GABRG1: variants seen among roughly 807,000 people sequenced by gnomAD.
GABRG1 encodes gamma-aminobutyric acid receptor subunit gamma-1.
A neutral mutation model predicts 49.8 loss-of-function variants in GABRG1; 49 were observed. The observed-to-expected ratio is 0.98, with a 90% confidence interval of 0.78 to 1.25. The LOEUF (loss-of-function observed/expected upper bound fraction) is 1.25, where lower values mean the gene tolerates loss of function less well. Ranked by LOEUF, GABRG1 falls within the 50% of genes most tolerant of loss-of-function variation. The pLI, the probability that GABRG1 is intolerant of heterozygous loss-of-function variation, is 0.00. For missense variants in GABRG1, 552 were observed against 552.3 expected, an observed-to-expected ratio of 1.00 and a Z score of 0.01; for synonymous variants, 232 against 185.1, an observed-to-expected ratio of 1.25 and a Z score of -2.06.
rs150521041 is a variant in GABRG1, at chr4:46,037,234, G to T, written c.*3754C>A. ...GAAAGTGCTGCATATATATTTGAAT[G>T]AGGTTACCTCACTTCCGAAATGCAA... On this transcript the variant is annotated 3_prime_UTR_variant, in exon 9 of 9. Transcript: ENST00000295452. The T allele has an allele frequency of 2.0e-5, 3 of 151,968 alleles. No homozygotes were observed. Among genetic ancestry groups the T allele is most frequent in the Non-Finnish European group, 4.4e-5 (3 of 67,866 alleles). 9.4% of individuals were successfully genotyped at this position (151,968 alleles called of 1,614,324 possible).
At position 46,037,309 on chromosome 4, in the gene GABRG1, T is replaced by C. The variant is rs1717569274; in HGVS notation, c.*3679A>G. 6.6e-6 allele frequency: 1 copy of C among 151,828 alleles called. No homozygotes were observed. Among genetic ancestry groups the C allele is most frequent in the Non-Finnish European group, 1.5e-5 (1 of 67,838 alleles). The allele number at this position is 151,828 out of a possible 1,614,324, so 9.4% of individuals were successfully genotyped here. A position where few individuals can be genotyped will look rare whatever the true frequency, so the allele number is the denominator to read the frequency against. The stretch of plus-strand genomic sequence containing the variant: ...ACATTAACTAGAGCAATGTGGTCAA[T>C]AGTATTTGAAAACTCCATTTGGAAA... On this transcript the variant is annotated 3_prime_UTR_variant, in exon 9 of 9. Coordinates refer to ENST00000295452, the MANE Select transcript of GABRG1 (RefSeq NM_173536.4).
intron 1 of GABRG1, among the ~76,000 whole-genome samples, chr4:46,117,247 C>T (rs1252755080): frequency 2.7e-5 from 4 of 150,404 alleles, no homozygotes; most frequent in African/African-American, 7.3e-5. Flanking sequence ...ATTAAGTTTA[C>T]TTCTGTATCT....
At chr4:46,049,454 A>G (rs1718129844) in intron 8 of GABRG1, among the ~76,000 whole-genome samples, 1 of 151,956 alleles carries the variant, frequency 6.6e-6, no homozygotes, top group Non-Finnish European at 1.5e-5. Flanking sequence ...GAGACTATCA[A>G]ACTTCATTAT....
chr4:46,079,245 C>G (rs929102195), intron 3 of GABRG1, among the ~76,000 whole-genome samples: 1 of 151,858 alleles, frequency 6.6e-6, no homozygotes, highest in African/African-American at 2.4e-5. Flanking sequence ...TTGTAGTCCT[C>G]TCCAGCATGC....
At chr4:46,100,289 T>C (rs1480527614) in intron 1 of GABRG1, among the ~76,000 whole-genome samples, 1 of 151,168 alleles carries the variant, frequency 6.6e-6, no homozygotes, top group African/African-American at 2.4e-5. Context: ...CATCGACAAA[T>C]GGAGGGGAGC....
intron 1 of GABRG1, among the ~76,000 whole-genome samples, chr4:46,123,186 T>C (rs902484045): frequency 6.9e-6 from 1 of 145,926 alleles, no homozygotes; most frequent in South Asian, 2.1e-4. Context: ...TAATTACTGA[T>C]GGACAGCCAA....
At chr4:46,102,375 A>G (rs1347834663) in intron 1 of GABRG1, among the ~76,000 whole-genome samples, 1 of 151,668 alleles carries the variant, frequency 6.6e-6, no homozygotes, top group Non-Finnish European at 1.5e-5. Context: ...CTGAAGGGCA[A>G]TTTGTGTTGG....
chr4:46,121,432 G>A (rs1266629383), intron 1 of GABRG1, among the ~76,000 whole-genome samples: 1 of 151,858 alleles, frequency 6.6e-6, no homozygotes, highest in Non-Finnish European at 1.5e-5. Flanking sequence ...TTAAAAGAAT[G>A]TTCATTGCAA....
chr4:46,049,267 C>A (rs564712089), intron 8 of GABRG1, among the ~76,000 whole-genome samples: 38 of 151,784 alleles, frequency 2.5e-4, no homozygotes, highest in Admixed American at 4.6e-4. Flanking sequence ...GAGACAACAA[C>A]AAACAGAGTT....
intron 1 of GABRG1, 56 bp from the exon 2 acceptor site, chr4:46,097,405 A>G: frequency 6.6e-7 from 1 of 1,519,318 alleles, no homozygotes; most frequent in Non-Finnish European, 8.9e-7. Context: ...ATCATGTATA[A>G]AAGTATAGTT....
chr4:46,118,121 C>A (rs1049976366), intron 1 of GABRG1, among the ~76,000 whole-genome samples: 1 of 84,428 alleles, frequency 1.2e-5, no homozygotes, highest in Admixed American at 1.1e-4. Flanking sequence ...TACATATATA[C>A]GTGTGTGTGT....
intron 8 of GABRG1, among the ~76,000 whole-genome samples, chr4:46,044,436 G>T (rs574270411): frequency 6.6e-6 from 1 of 151,978 alleles, no homozygotes; most frequent in African/African-American, 2.4e-5. Flanking sequence ...AGCTGTGATT[G>T]CACTACTGCA....
intron 1 of GABRG1, among the ~76,000 whole-genome samples, chr4:46,104,579 T>A (rs1340134111): frequency 6.6e-6 from 1 of 151,594 alleles, no homozygotes; most frequent in Non-Finnish European, 1.5e-5. Flanking sequence ...TGAAATAGTA[T>A]CTAATTTTCA....
At chr4:46,108,988 A>G (rs1720641467) in intron 1 of GABRG1, among the ~76,000 whole-genome samples, 2 of 150,970 alleles carry the variant, frequency 1.3e-5, no homozygotes, top group South Asian at 4.1e-4. Context: ...ATCTTGTCAT[A>G]TCATATCTAT....
intron 3 of GABRG1, among the ~76,000 whole-genome samples, chr4:46,066,826 AT>A (rs578237639): frequency 1.8e-3 from 267 of 151,436 alleles, no homozygotes; most frequent in Non-Finnish European, 3.3e-3. Flanking sequence ...AGGAAAGGAA[AT>A]AAATATACAT....
chr4:46,108,278 A>C (rs1363224509), intron 1 of GABRG1, among the ~76,000 whole-genome samples: 1 of 151,032 alleles, frequency 6.6e-6, no homozygotes, highest in Non-Finnish European at 1.5e-5. Context: ...AAATATGAAA[A>C]AATTCTGCTT....
chr4:46,078,990 G>A (rs1719461982), intron 3 of GABRG1, among the ~76,000 whole-genome samples: 1 of 151,192 alleles, frequency 6.6e-6, no homozygotes, highest in African/African-American at 2.4e-5. Context: ...ATATTATTGA[G>A]AAAAATCCCT....
At chr4:46,058,957 G>T (rs1455710809) in intron 5 of GABRG1, among the ~76,000 whole-genome samples, 1 of 151,944 alleles carries the variant, frequency 6.6e-6, no homozygotes, top group African/African-American at 2.4e-5. Context: ...TTTTAATATA[G>T]ATTTTTCATA....
intron 3 of GABRG1, among the ~76,000 whole-genome samples, chr4:46,065,868 A>AC (rs1349288596): frequency 7.9e-5 from 12 of 151,924 alleles, no homozygotes; most frequent in Admixed American, 7.9e-4. Context: ...GACAACAGGC[A>AC]CCCGCCACCA....
Sources: gnomAD v4.1 joint callset for allele counts (sites outside exome capture counted in the v4.1 genomes callset) on GRCh38, gnomAD v4.1.1 for gene constraint, MANE v1.5 for transcripts, NCBI Gene and HGNC (gene_info 2026-07-23, HGNC 2026-07-21) for gene names.